MARCHF11: variants seen among roughly 807,000 people sequenced by gnomAD.
MARCHF11 encodes E3 ubiquitin-protein ligase MARCHF11.
MARCHF11 carries 29 observed loss-of-function variants against 37.3 expected under a neutral mutation model. The observed-to-expected ratio is 0.78, with a 90% confidence interval of 0.58 to 1.06. The LOEUF is 1.06. Among genes scored for constraint, MARCHF11 ranks in the 50% least tolerant of loss-of-function variants. The pLI is 0.00. For missense variants in MARCHF11, 482 were observed against 533.4 expected (o/e 0.90, Z 0.95); for synonymous variants, 233 against 228.0 (o/e 1.02, Z -0.20).
At chr5:16,174,322 T>A (rs1738320642) in intron 2 of MARCHF11, among the ~76,000 whole-genome samples, 1 of 152,240 alleles carries the variant, frequency 6.6e-6, no homozygotes, top group African/African-American at 2.4e-5. Flanking sequence ...TTACCTCAAA[T>A]GTCTTAATTA....
rs544704756 is a variant in MARCHF11, at chr5:16,108,458, T to C, written c.694-17377A>G. Among the ~76,000 whole-genome samples the C allele has an allele frequency of 2.4e-4, 37 of 152,146 alleles. No individual in the cohort carries two copies. In the South Asian group the frequency reaches 7.7e-3, roughly 32 times the overall value. ...ATCTGGACATTTTTAAGTTAAGAAA[T>C]AGGAAAGCGAGGGCAGGTATGGGTT... On this transcript the variant is annotated intron_variant, in intron 2 of 3. Coordinates refer to ENST00000332432, the MANE Select transcript of MARCHF11 (RefSeq NM_001102562.3).
At chr5:16,068,096 A>G (rs1736379072) in intron 3 of MARCHF11, among the ~76,000 whole-genome samples, 1 of 152,184 alleles carries the variant, frequency 6.6e-6, no homozygotes, top group Non-Finnish European at 1.5e-5. Context: ...CCTTAGGAGA[A>G]TCATTAGGTT....
At chr5:16,091,117 G>C in intron 2 of MARCHF11, 36 bp from the exon 3 acceptor site, 1 of 1,371,994 alleles carries the variant, frequency 7.3e-7, no homozygotes, top group Non-Finnish European at 9.5e-7. Flanking sequence ...GAAAGGAGCT[G>C]TGTATAATTA....
rs34699021 is a variant in MARCHF11, at chr5:16,072,510, C to CTGTGTGTG, written c.887-4725_887-4718dup. 7.8e-3 allele frequency among the ~76,000 whole-genome samples: 1,143 copies of CTGTGTGTG among 146,708 alleles called. 14 individuals are homozygous for CTGTGTGTG. The highest frequency in any genetic ancestry group is 0.022 in the African/African-American group (858 of 39,650). On this transcript the variant is annotated intron_variant, in intron 3 of 3. Coordinates refer to ENST00000332432, the MANE Select transcript of MARCHF11 (RefSeq NM_001102562.3). ...ATCAGTGCTCTCTCTCTCTCTCACT[C>CTGTGTGTG]TGTGTGTGTGTGTGTGTGTGTGTGT...
intron 2 of MARCHF11, among the ~76,000 whole-genome samples, chr5:16,124,384 G>A (rs559672556): frequency 2.0e-5 from 3 of 152,298 alleles, no homozygotes; most frequent in African/African-American, 7.2e-5. Context: ...TATGGAAAAG[G>A]AAGAAAAGTT....
intron 3 of MARCHF11, among the ~76,000 whole-genome samples, chr5:16,079,245 T>C (rs571177847): frequency 1.3e-5 from 2 of 152,288 alleles, no homozygotes; most frequent in African/African-American, 4.8e-5. Flanking sequence ...TCCCATCCCA[T>C]TGTTGACAAC....
At chr5:16,137,751 T>C (rs1204549605) in intron 2 of MARCHF11, among the ~76,000 whole-genome samples, 2 of 152,134 alleles carry the variant, frequency 1.3e-5, no homozygotes, top group Non-Finnish European at 2.9e-5. Context: ...GAGGAACTTA[T>C]TGGGAACTGG....
chr5:16,074,411 A>C (rs754699637), intron 3 of MARCHF11, among the ~76,000 whole-genome samples: 21 of 152,214 alleles, frequency 1.4e-4, no homozygotes, highest in Non-Finnish European at 2.4e-4. Context: ...ATCAGAGCAG[A>C]ACTAAATGAA....
intron 2 of MARCHF11, among the ~76,000 whole-genome samples, chr5:16,123,701 A>G (rs1737351572): frequency 6.6e-6 from 1 of 152,028 alleles, no homozygotes. Context: ...GAAGCCACGT[A>G]TTCATATACT....
At chr5:16,093,661 A>T (rs1736820482) in intron 2 of MARCHF11, among the ~76,000 whole-genome samples, 1 of 152,178 alleles carries the variant, frequency 6.6e-6, no homozygotes, top group African/African-American at 2.4e-5. Flanking sequence ...AGAAACAGGG[A>T]CGCTTCACGC....
intron 2 of MARCHF11, among the ~76,000 whole-genome samples, chr5:16,166,498 G>C (rs895664507): frequency 6.6e-6 from 1 of 151,578 alleles, no homozygotes; most frequent in Non-Finnish European, 1.5e-5. Context: ...CTTTGCTTAA[G>C]CCTGAGTTTA....
rs746863224 is a variant in MARCHF11 at position 16,104,578 on chromosome 5, T to A, written c.694-13497A>T. On this transcript the variant is annotated intron_variant, in intron 2 of 3. Coordinates refer to ENST00000332432, the MANE Select transcript of MARCHF11 (RefSeq NM_001102562.3). ...TTATTTGTCCGGTTGGTGTGTGTTA[T>A]CTTCAATCGTAAAATACTTGAAATA... Among the ~76,000 whole-genome samples the A allele has an allele frequency of 2.0e-5, 3 of 152,156 alleles. No homozygotes were observed. The East Asian group carries it at 5.8e-4, about 29-fold the overall frequency.
intron 2 of MARCHF11, among the ~76,000 whole-genome samples, chr5:16,098,777 AAAG>A (rs1736910331): frequency 6.6e-6 from 1 of 152,096 alleles, no homozygotes; most frequent in African/African-American, 2.4e-5. Context: ...CAAAAAAAAA[AAAG>A]AAAAAAAATA....
intron 2 of MARCHF11, among the ~76,000 whole-genome samples, chr5:16,121,582 G>C (rs184149775): frequency 1.0e-3 from 159 of 152,286 alleles, no homozygotes; most frequent in African/African-American, 3.5e-3. Context: ...GTGACAGAAG[G>C]CATCACTGAA....
chr5:16,150,572 G>A (rs1475817705), intron 2 of MARCHF11, among the ~76,000 whole-genome samples: 1 of 139,984 alleles, frequency 7.1e-6, no homozygotes, highest in African/African-American at 3.3e-5. Context: ...CAGTGTAATG[G>A]TCAGGTCTGC....
At chr5:16,105,936 CT>C (rs1737032257) in intron 2 of MARCHF11, among the ~76,000 whole-genome samples, 1 of 152,172 alleles carries the variant, frequency 6.6e-6, no homozygotes, top group South Asian at 2.1e-4. Context: ...AGTATAACAT[CT>C]GATTTTTACC....
chr5:16,132,421 C>T (rs1560984503), intron 2 of MARCHF11, among the ~76,000 whole-genome samples: 1 of 152,176 alleles, frequency 6.6e-6, no homozygotes, highest in Non-Finnish European at 1.5e-5. Flanking sequence ...TCTTTAGCTT[C>T]TTCCTCCTTA....
Position 16,085,939 on chromosome 5 carries a change from C to CAAAA in MARCHF11, c.886+4946_886+4949dup, listed in dbSNP as rs56782867. 8.5e-4 allele frequency among the ~76,000 whole-genome samples: 35 copies of CAAAA among 40,952 alleles called. 8 individuals are homozygous for CAAAA. Among genetic ancestry groups the CAAAA allele is most frequent in the Admixed American group, 1.7e-3 (5 of 2,878 alleles). 26.9% of individuals were successfully genotyped at this position (40,952 alleles called of 152,430 possible). A position where few individuals can be genotyped will look rare whatever the true frequency, so the allele number is the denominator to read the frequency against. ...TGGGCGAAAGAGCAAGACTCCATCTCAAAAAAAAAAAAAAAAAAAAAAAAA... is the reference window on the plus strand; with the variant it reads ...TGGGCGAAAGAGCAAGACTCCATCTCAAAAAAAAAAAAAAAAAAAAAAAAAAAAA... On this transcript the variant is annotated intron_variant, in intron 3 of 3. Transcript: ENST00000332432.
At chr5:16,176,935 CATT>C (rs1466384734) in intron 2 of MARCHF11, among the ~76,000 whole-genome samples, 5 of 152,122 alleles carry the variant, frequency 3.3e-5, no homozygotes, top group Admixed American at 3.3e-4. Flanking sequence ...ATTAATTACA[CATT>C]ATTCTGCTTT....
Sources: gnomAD v4.1 joint callset for allele counts (sites outside exome capture counted in the v4.1 genomes callset) on GRCh38, gnomAD v4.1.1 for gene constraint, MANE v1.5 for transcripts, NCBI Gene and HGNC (gene_info 2026-07-23, HGNC 2026-07-21) for gene names.